PRKN: variants seen among roughly 807,000 people sequenced by gnomAD.
The protein encoded by PRKN is parkin RBR E3 ubiquitin protein ligase.
PRKN carries 56 observed loss-of-function variants against 59.5 expected under a neutral mutation model. The observed-to-expected ratio is 0.94, with a 90% CI of 0.76 to 1.18. The LOEUF (loss-of-function observed/expected upper bound fraction) is 1.18. Among genes scored for constraint, PRKN ranks in the 50% most tolerant of loss-of-function variants. PRKN has a pLI of 0.00. For missense variants in PRKN, 657 were observed against 596.4 expected, an observed-to-expected ratio of 1.10 and a Z score of -1.06; for synonymous variants, 250 against 222.1, an observed-to-expected ratio of 1.13 and a Z score of -1.12.
chr6:161,973,830 G>A (rs2128252121), intron 5 of PRKN, among the ~76,000 whole-genome samples: 1 of 152,320 alleles, frequency 6.6e-6, no homozygotes, highest in East Asian at 1.9e-4. Context: ...GTGAAGCCAA[G>A]AAGTAACCCA....
chr6:161,597,382 T>C (rs1399528755), intron 7 of PRKN, among the ~76,000 whole-genome samples: 1 of 152,208 alleles, frequency 6.6e-6, no homozygotes, highest in Non-Finnish European at 1.5e-5. Context: ...AGCTAGGGCT[T>C]ATTGAGTAAG....
rs1189302780 is a variant in PRKN, at chr6:161,547,976, A to G, written c.1083+878T>C. ...GGAACCAATGCTAATTTATTTCTAGATGACTTACAGTGCTCAGCCCCAAAT... is the reference window on the plus strand; with the variant it reads ...GGAACCAATGCTAATTTATTTCTAGGTGACTTACAGTGCTCAGCCCCAAAT... On this transcript the variant is annotated intron_variant, in intron 9 of 11. Transcript: ENST00000366898. The surrounding 1 kb of genome is among the most constrained non-coding windows in gnomAD (Gnocchi z 4.0). Among the ~76,000 whole-genome samples the G allele has an allele frequency of 2.0e-5, 3 of 152,174 alleles. No individual in the cohort carries two copies. Among genetic ancestry groups the G allele is most frequent in the Non-Finnish European group, 4.4e-5 (3 of 68,038 alleles).
rs1778999907 is a variant in PRKN at position 161,525,892 on chromosome 6, T to C, written c.1083+22962A>G. On this transcript the variant is annotated intron_variant, in intron 9 of 11. Transcript: ENST00000366898. This position sits in a 1 kb window ranked among gnomAD's most constrained non-coding sequence, Gnocchi z 4.7. ...GAAAACAACCCAATAACTTAGATAA[T>C]GTTATTAATATGGGTATCAAATATT... Among the ~76,000 whole-genome samples, 2 of 152,172 alleles carry C rather than the reference T, an allele frequency of 1.3e-5. No individual in the cohort carries two copies. The highest frequency in any genetic ancestry group is 1.3e-4 in the Admixed American group (2 of 15,270).
At chr6:161,424,577 A>G (rs2115034892) in intron 9 of PRKN, among the ~76,000 whole-genome samples, 1 of 152,222 alleles carries the variant, frequency 6.6e-6, no homozygotes, top group African/African-American at 2.4e-5. Context: ...CAGATTGCAG[A>G]CACAGGAACT....
chr6:162,320,079 C>A (rs1782925719), intron 2 of PRKN, among the ~76,000 whole-genome samples: 1 of 151,854 alleles, frequency 6.6e-6, no homozygotes, highest in South Asian at 2.1e-4. Context: ...CTTTCTCTAT[C>A]TGACTTGTTT....
intron 4 of PRKN, among the ~76,000 whole-genome samples, chr6:162,138,491 G>A (rs557705739): frequency 6.6e-6 from 1 of 152,146 alleles, no homozygotes; most frequent in Admixed American, 6.5e-5. Flanking sequence ...ACAATGTCTG[G>A]AATCTAGTAA....
chr6:161,735,866 G>A (rs1017099284), intron 7 of PRKN, among the ~76,000 whole-genome samples: 6 of 151,932 alleles, frequency 3.9e-5, no homozygotes, highest in African/African-American at 1.5e-4. Flanking sequence ...GGTGAGCCGA[G>A]ATTGCTCCAT....
intron 3 of PRKN, among the ~76,000 whole-genome samples, chr6:162,261,305 T>C (rs1207063871): frequency 1.3e-5 from 2 of 152,128 alleles, no homozygotes; most frequent in Non-Finnish European, 2.9e-5. Flanking sequence ...GTGTCTACTG[T>C]TTCTCAAAAT....
chr6:162,206,308 C>T (rs1336416544), intron 3 of PRKN, among the ~76,000 whole-genome samples: 1 of 152,068 alleles, frequency 6.6e-6, no homozygotes, highest in Non-Finnish European at 1.5e-5. Flanking sequence ...TGATATTTCC[C>T]TAAAAATGAC....
intron 9 of PRKN, among the ~76,000 whole-genome samples, chr6:161,453,822 T>C (rs1789852480): frequency 6.7e-6 from 1 of 148,558 alleles, no homozygotes; most frequent in Non-Finnish European, 1.5e-5. Flanking sequence ...AAGTTAACTT[T>C]ATGATTACCC....
intron 2 of PRKN, among the ~76,000 whole-genome samples, chr6:162,423,911 T>C (rs1423272767): frequency 1.3e-5 from 2 of 152,158 alleles, no homozygotes; most frequent in Non-Finnish European, 2.9e-5. Flanking sequence ...AAGTGATGAA[T>C]TGAACTGAAC....
In PRKN at chr6:161,550,280, T is replaced by G. The variant is rs914091402; in HGVS notation, c.934-1277A>C. Among the ~76,000 whole-genome samples the G allele has an allele frequency of 6.6e-6, 1 of 152,198 alleles. No individual in the cohort carries two copies. Among genetic ancestry groups the G allele is most frequent in the Non-Finnish European group, 1.5e-5 (1 of 68,042 alleles). On this transcript the variant is annotated intron_variant, in intron 8 of 11. Transcript: ENST00000366898. This position sits in a 1 kb window ranked among gnomAD's most constrained non-coding sequence, Gnocchi z 4.0. Reference sequence around the variant, plus strand: ...TGAGGATCTAGAATATGTAGTTCCCTGACAGCTGCTTTCAGAACCCTGGGT... The same window carrying G: ...TGAGGATCTAGAATATGTAGTTCCCGGACAGCTGCTTTCAGAACCCTGGGT...
At chr6:162,467,538 A>G (rs1461174544) in intron 1 of PRKN, among the ~76,000 whole-genome samples, 2 of 152,002 alleles carry the variant, frequency 1.3e-5, no homozygotes, top group African/African-American at 4.8e-5. Context: ...CTTTGGTTCT[A>G]TCTCCAAAAT....
At chr6:162,045,183 CTT>C (rs1784206063) in intron 5 of PRKN, among the ~76,000 whole-genome samples, 1 of 152,220 alleles carries the variant, frequency 6.6e-6, no homozygotes, top group Admixed American at 6.5e-5. Context: ...GAAAGTCAGT[CTT>C]TGTTTTCTGC....
At chr6:161,368,408 TGCTGGGCCTGGTGGCGCACAC>T (rs1785310523) in intron 10 of PRKN, among the ~76,000 whole-genome samples, 2 of 143,428 alleles carry the variant, frequency 1.4e-5, no homozygotes, top group African/African-American at 2.6e-5. Context: ...TATATATATA[TGCTGGGCCTGGTGGCGCACAC>T]ATATAGTCCC....
rs774929834 is a variant in PRKN, at chr6:161,419,680, G to A, written c.1084-32803C>T. Among the ~76,000 whole-genome samples, 1 of 151,748 alleles carries A rather than the reference G, an allele frequency of 6.6e-6. No individual in the cohort carries two copies. The highest frequency in any genetic ancestry group is 2.1e-4 in the South Asian group (1 of 4,802). On this transcript the variant is annotated intron_variant, in intron 9 of 11. Coordinates refer to ENST00000366898, the MANE Select transcript of PRKN (RefSeq NM_004562.3). The surrounding 1 kb of genome is among the most constrained non-coding windows in gnomAD (Gnocchi z 4.1). ...TGGGATTACAGGCATGAACCACCACGCCCAGCCTCCTCTGACTTTTGTAAG... is the reference window on the plus strand; with the variant it reads ...TGGGATTACAGGCATGAACCACCACACCCAGCCTCCTCTGACTTTTGTAAG...
chr6:162,585,997 G>A (rs990657269), intron 1 of PRKN, among the ~76,000 whole-genome samples: 1 of 152,084 alleles, frequency 6.6e-6, no homozygotes, highest in South Asian at 2.1e-4. Context: ...GAGCCACCAC[G>A]CCCAGCCAAT....
chr6:162,430,724 C>T (rs775357915), intron 2 of PRKN, among the ~76,000 whole-genome samples: 17 of 152,046 alleles, frequency 1.1e-4, no homozygotes, highest in Non-Finnish European at 8.8e-5. Context: ...GTAGTAACTC[C>T]AGCATAGATC....
chr6:162,106,010 T>C (rs953423273), intron 4 of PRKN, among the ~76,000 whole-genome samples: 1 of 152,190 alleles, frequency 6.6e-6, no homozygotes, highest in Non-Finnish European at 1.5e-5. Context: ...TGTAACTGTA[T>C]TACTACATCT....
Sources: gnomAD v4.1 joint callset for allele counts (sites outside exome capture counted in the v4.1 genomes callset) on GRCh38, gnomAD v4.1.1 for gene constraint, Gnocchi (gnomAD v3.1) non-coding constraint, MANE v1.5 for transcripts, NCBI Gene and HGNC (gene_info 2026-07-23, HGNC 2026-07-21) for gene names.